AIM2: variants seen among roughly 807,000 people sequenced by gnomAD.
AIM2 encodes absent in melanoma 2, also known as interferon-inducible protein AIM2.
AIM2 carries 30 observed loss-of-function variants against 27.7 expected under a neutral mutation model. That is an observed-to-expected ratio of 1.08 (90% confidence interval 0.81 to 1.47). The LOEUF is 1.47. Among genes scored for constraint, AIM2 ranks in the 40% most tolerant of loss-of-function variants. The probability of loss-of-function intolerance (pLI) is 0.00; values close to 1 mark genes in which losing one functional copy is unlikely to be tolerated. For missense variants in AIM2, 358 were observed against 411.3 expected, an observed-to-expected ratio of 0.87 and a Z score of 1.12; for synonymous variants, 141 against 145.3, an observed-to-expected ratio of 0.97 and a Z score of 0.21.
intron 1 of AIM2, among the ~76,000 whole-genome samples, chr1:159,073,993 C>T (rs1344939245): frequency 2.0e-5 from 3 of 152,026 alleles, no homozygotes; most frequent in African/African-American, 7.2e-5. Context: ...GAGCCAAGAT[C>T]GCGCCATTGC....
chr1:159,130,550 A>G (rs2102049337), intron 1 of AIM2, among the ~76,000 whole-genome samples: 1 of 152,160 alleles, frequency 6.6e-6, no homozygotes, highest in East Asian at 1.9e-4. Flanking sequence ...GCCGGGAATC[A>G]TCCTGGGCTC....
intron 1 of AIM2, among the ~76,000 whole-genome samples, chr1:159,133,442 A>C (rs1362314898): frequency 6.6e-6 from 1 of 152,184 alleles, no homozygotes. Context: ...TTGACTCCTC[A>C]TAGCTTCCTC....
chr1:159,109,829 G>A (rs901027763), intron 1 of AIM2, among the ~76,000 whole-genome samples: 1 of 152,162 alleles, frequency 6.6e-6, no homozygotes, highest in Non-Finnish European at 1.5e-5. Flanking sequence ...CTAATGATCA[G>A]GGAAATGCAA....
intron 1 of AIM2, among the ~76,000 whole-genome samples, chr1:159,087,558 T>C (rs1408025756): frequency 2.0e-5 from 3 of 149,174 alleles, no homozygotes; most frequent in African/African-American, 7.2e-5. Flanking sequence ...GCTTTTTCTT[T>C]ATTCTGGATA....
intron 1 of AIM2, among the ~76,000 whole-genome samples, chr1:159,118,091 A>G (rs1570974897): frequency 6.6e-6 from 1 of 152,292 alleles, no homozygotes; most frequent in Admixed American, 6.5e-5. Flanking sequence ...CATCAAAAAT[A>G]TCTTGATATC....
At chr1:159,099,247 G>A (rs918874431) in intron 1 of AIM2, among the ~76,000 whole-genome samples, 3 of 152,184 alleles carry the variant, frequency 2.0e-5, no homozygotes, top group East Asian at 1.9e-4. Context: ...AGGAGACAAA[G>A]GGCAGGGACA....
intron 1 of AIM2, among the ~76,000 whole-genome samples, chr1:159,100,046 A>G (rs903865140): frequency 1.3e-5 from 2 of 152,220 alleles, no homozygotes; most frequent in Non-Finnish European, 2.9e-5. Context: ...CACCATGCCC[A>G]CAATAAGTGA....
chr1:159,112,849 T>C (rs762737854), intron 1 of AIM2, among the ~76,000 whole-genome samples: 2 of 151,928 alleles, frequency 1.3e-5, no homozygotes, highest in African/African-American at 4.8e-5. Flanking sequence ...TGAGAGTTTT[T>C]CTACTAGACT....
At chr1:159,057,724 TATG>T (rs963520824), downstream of AIM2, among the ~76,000 whole-genome samples, 1 of 152,218 alleles carries the variant, frequency 6.6e-6, no homozygotes, top group Non-Finnish European at 1.5e-5. Flanking sequence ...ATGGCAAATG[TATG>T]ATAAGTTTTG....
At chr1:159,120,686 G>A (rs1647514890) in intron 1 of AIM2, among the ~76,000 whole-genome samples, 1 of 152,172 alleles carries the variant, frequency 6.6e-6, no homozygotes, top group Non-Finnish European at 1.5e-5. Context: ...GAGAAATGGA[G>A]AAGGAGAAGG....
At chr1:159,092,848 A>AC (rs969997168) in intron 1 of AIM2, among the ~76,000 whole-genome samples, 3 of 151,938 alleles carry the variant, frequency 2.0e-5, no homozygotes, top group East Asian at 3.9e-4. Context: ...ACATGGTGAA[A>AC]CCCCATCTCC....
downstream of AIM2, among the ~76,000 whole-genome samples, chr1:159,059,977 G>GA (rs1655778308): frequency 2.0e-5 from 3 of 152,086 alleles, no homozygotes. Context: ...GTGTAGACCA[G>GA]AGAGGATAGA....
At chr1:159,126,324 G>A (rs913270724) in intron 1 of AIM2, among the ~76,000 whole-genome samples, 10 of 152,046 alleles carry the variant, frequency 6.6e-5, no homozygotes, top group Non-Finnish European at 8.8e-5. Context: ...AAAGTCTCTG[G>A]TATTATCAGT....
intron 3 of AIM2, among the ~76,000 whole-genome samples, chr1:159,067,917 C>T (rs1656178853): frequency 6.6e-6 from 1 of 152,122 alleles, no homozygotes; most frequent in South Asian, 2.1e-4. Flanking sequence ...TGACACTCTC[C>T]AGCCACTACT....
At chr1:159,124,818 T>C (rs907634779) in intron 1 of AIM2, among the ~76,000 whole-genome samples, 8 of 152,218 alleles carry the variant, frequency 5.3e-5, no homozygotes, top group Non-Finnish European at 1.0e-4. Flanking sequence ...GAGATGGTGA[T>C]GACGTTGGAG....
intron 2 of AIM2, 62 bp downstream of exon 2, chr1:159,073,176 G>T (rs1656436730): frequency 1.3e-6 from 2 of 1,593,850 alleles, no homozygotes; most frequent in Non-Finnish European, 1.7e-6. Flanking sequence ...GGGATGCCAT[G>T]AAAGGAAAGG....
downstream of AIM2, among the ~76,000 whole-genome samples, chr1:159,059,091 A>G (rs1203474292): frequency 6.6e-6 from 1 of 152,196 alleles, no homozygotes; most frequent in East Asian, 1.9e-4. Flanking sequence ...CCCAATAAGG[A>G]AAAGAGACGT....
At chr1:159,077,571 T>C (rs1656657452), upstream of AIM2, among the ~76,000 whole-genome samples, 2 of 152,204 alleles carry the variant, frequency 1.3e-5, no homozygotes, top group Admixed American at 1.3e-4. Flanking sequence ...TCTGTCTTCA[T>C]TGTCACAGGC....
intron 1 of AIM2, among the ~76,000 whole-genome samples, chr1:159,100,996 C>T (rs1657299808): frequency 6.6e-6 from 1 of 151,948 alleles, no homozygotes. Flanking sequence ...GTCTCATCTA[C>T]ATACATAACA....
Sources: gnomAD v4.1 joint callset for allele counts (sites outside exome capture counted in the v4.1 genomes callset) on GRCh38, gnomAD v4.1.1 for gene constraint, MANE v1.5 for transcripts, NCBI Gene and HGNC (gene_info 2026-07-23, HGNC 2026-07-21) for gene names.